The following KLHL41 variants were observed in gnomAD, a reference collection of about 807,000 sequenced individuals.
KLHL41 encodes kelch like family member 41.
Under a neutral mutation model 49.2 loss-of-function variants are expected in KLHL41, and 31 were observed. The ratio of observed to expected loss-of-function variants is 0.63; its 90% confidence interval spans 0.47 to 0.85. The LOEUF (loss-of-function observed/expected upper bound fraction) is 0.85, where lower values mean the gene tolerates loss of function less well. Among genes scored for constraint, KLHL41 ranks in the 40% least tolerant of loss-of-function variants. The pLI is 0.00. For synonymous variants in KLHL41, 218 were observed against 258.5 expected (o/e 0.84, Z 1.50); for missense variants, 663 against 726.7 (o/e 0.91, Z 1.01).
At position 169,510,803 on chromosome 2, in the gene KLHL41, C is replaced by G; in HGVS notation, c.1025C>G (p.Thr342Ser). The change falls in exon 1 of 6, where the codon ACC (threonine) becomes AGC (serine). Residue 342 changes from threonine to serine, a missense_variant. This residue lies in a region of KLHL41 where 528 missense variants were observed against 581.0 expected (regional missense o/e 0.91). Transcript: ENST00000284669. The surrounding 1 kb of genome is among the most constrained non-coding windows in gnomAD (Gnocchi z 4.2). ...CCCAGAAATCATTCCAGCATTGTTA[C>G]CCAGCAAAATCAGATATATGTGGTA... is the stretch of plus-strand genomic sequence containing the variant. ...QIPRNHSSIV[T>S]QQNQIYVVGG... 3.7e-6 allele frequency: 6 copies of G among 1,613,982 alleles called. No individual in the cohort carries two copies. Among genetic ancestry groups the G allele is most frequent in the Non-Finnish European group, 5.1e-6 (6 of 1,179,980 alleles).
chr2:169,521,768 A>G (rs1436644016), intron 5 of KLHL41, among the ~76,000 whole-genome samples: 1 of 152,144 alleles, frequency 6.6e-6, no homozygotes, highest in Admixed American at 6.5e-5. Flanking sequence ...CAGCTTTCCA[A>G]TTGTTTTAGG....
At position 169,510,146 on chromosome 2, in the gene KLHL41, TTTC is replaced by T; in HGVS notation, c.371_373del (p.Ser124del). 6.2e-7 allele frequency: 1 copy of T among 1,614,186 alleles called. No individual in the cohort carries two copies. Among genetic ancestry groups the T allele is most frequent in the Non-Finnish European group, 8.5e-7 (1 of 1,180,034 alleles). On this transcript the variant is annotated inframe_deletion, in exon 1 of 6. Coordinates refer to ENST00000284669, the MANE Select transcript of KLHL41 (RefSeq NM_006063.3). This position sits in a 1 kb window ranked among gnomAD's most constrained non-coding sequence, Gnocchi z 4.2. ...ATCCCCTCAGTGTTTACTGTCTGCG[TTTC>T]TTATCTTCAGAAAAGACTTGCTCCT...
At chr2:169,521,821 T>C (rs1036195856) in intron 5 of KLHL41, among the ~76,000 whole-genome samples, 1 of 152,168 alleles carries the variant, frequency 6.6e-6, no homozygotes, top group Non-Finnish European at 1.5e-5. Flanking sequence ...AAAGTCAAAA[T>C]AGCAATCCAT....
chr2:169,525,597 T>C lies in KLHL41; in HGVS notation c.1722T>C (p.Asp574=), dbSNP rs144510735. The C allele has an allele frequency of 7.5e-6, 12 of 1,607,938 alleles. No homozygotes were observed. Among genetic ancestry groups the C allele is most frequent in the Non-Finnish European group, 1.0e-5 (12 of 1,174,522 alleles). The change falls in exon 6 of 6, where the codon GAT becomes GAC. Residue 574 remains aspartate, a synonymous_variant. Transcript: ENST00000284669. The stretch of plus-strand genomic sequence containing the variant: ...TTTCCTCCATCAGGTATGAAGATGA[T>C]AAAAAAGAATGGGCTGGGATGTTGA... ...EVNDIWKYED[D]KKEWAGMLKE...
chr2:169,522,704 G>GTTTTT (rs1684220321), intron 5 of KLHL41, among the ~76,000 whole-genome samples: 2 of 87,784 alleles, frequency 2.3e-5, no homozygotes, highest in Non-Finnish European at 4.4e-5. Flanking sequence ...CCTTCCCAGT[G>GTTTTT]ATTTTTTTTT....
chr2:169,520,298 GTGTGTGTGTGTGTA>G lies in KLHL41; in HGVS notation c.1563-549_1563-536del, dbSNP rs1385086212. ...TCAGTGTGTGTGTGTGTGTGTGTGT[GTGTGTGTGTGTGTA>G]TGTGTGTGTGTGTGTGTGGAGGCAG... On this transcript the variant is annotated intron_variant, in intron 4 of 5. Coordinates refer to ENST00000284669, the MANE Select transcript of KLHL41 (RefSeq NM_006063.3). 9.0e-3 allele frequency among the ~76,000 whole-genome samples: 1,025 copies of G among 114,422 alleles called. 78 individuals carry two copies. Among genetic ancestry groups the G allele is most frequent in the East Asian group, 0.05 (143 of 2,832 alleles). The allele number at this position is 114,422 out of a possible 152,430, so 75.1% of individuals were successfully genotyped here. A position where few individuals can be genotyped will look rare whatever the true frequency, so the allele number is the denominator to read the frequency against.
At chr2:169,518,410 C>T in intron 4 of KLHL41, 35 bp downstream of exon 4, 2 of 1,430,006 alleles carry the variant, frequency 1.4e-6, no homozygotes, top group Non-Finnish European at 1.9e-6. Context: ...AGCATGTGAA[C>T]AACTATACAT....
chr2:169,523,202 T>G (rs1400937507), intron 5 of KLHL41, among the ~76,000 whole-genome samples: 1 of 152,206 alleles, frequency 6.6e-6, no homozygotes, highest in Admixed American at 6.5e-5. Context: ...GCTATAAAAG[T>G]GGCCCTGACA....
In KLHL41 at chr2:169,510,671, A is replaced by G. The variant is rs763948552; in HGVS notation, c.893A>G (p.His298Arg). ...GGTTACCTGAATGACATTCCCAGGC[A>G]TGGAATGTTTGTAAAAGACCTCATC... is the stretch of plus-strand genomic sequence containing the variant. ...LPGYLNDIPR[H>R]GMFVKDLILL... The change falls in exon 1 of 6, where the codon CAT becomes CGT. Residue 298 changes from histidine to arginine, a missense_variant. Physicochemically the swap from His to Arg is conservative, Grantham distance 29. Coordinates refer to ENST00000284669, the MANE Select transcript of KLHL41 (RefSeq NM_006063.3). This position sits in a 1 kb window ranked among gnomAD's most constrained non-coding sequence, Gnocchi z 4.2. 1 of 1,614,002 alleles carries G rather than the reference A, an allele frequency of 6.2e-7. No homozygotes were observed. The highest frequency in any genetic ancestry group is 1.1e-5 in the South Asian group (1 of 91,072).
rs1265273193 is a variant in KLHL41 at position 169,525,589 on chromosome 2, G to A, written c.1714G>A (p.Glu572Lys). Residue 572 changes from glutamate to lysine, a missense_variant, in exon 6 of 6, where the codon GAA becomes AAA. Physicochemically the swap from Glu to Lys is moderately conservative, Grantham distance 56. Transcript: ENST00000284669. ...ACTTTTTTTTTCCTCCATCAGGTAT[G>A]AAGATGATAAAAAAGAATGGGCTGG... ...PTEVNDIWKY[E>K]DDKKEWAGML... is the part of the protein sequence containing the mutation. 2 of 1,595,580 alleles carry A rather than the reference G, an allele frequency of 1.3e-6. No individual in the cohort carries two copies. The highest frequency in any genetic ancestry group is 1.7e-6 in the Non-Finnish European group (2 of 1,163,344).
At chr2:169,512,281 A>G (rs1684039539) in intron 1 of KLHL41, among the ~76,000 whole-genome samples, 1 of 152,208 alleles carries the variant, frequency 6.6e-6, no homozygotes, top group Non-Finnish European at 1.5e-5. Flanking sequence ...TTTAAAGTCA[A>G]ATAAACGTCA....
chr2:169,513,826 A>T (rs1367875777), intron 1 of KLHL41, among the ~76,000 whole-genome samples: 1 of 152,200 alleles, frequency 6.6e-6, no homozygotes, highest in Non-Finnish European at 1.5e-5. Flanking sequence ...GATGAAACAG[A>T]TGCCACCATC....
At chr2:169,518,706 G>A (rs1340857953) in intron 4 of KLHL41, among the ~76,000 whole-genome samples, 1 of 152,176 alleles carries the variant, frequency 6.6e-6, no homozygotes, top group Non-Finnish European at 1.5e-5. Flanking sequence ...AAGAGACAAG[G>A]TCTGGCTCTG....
chr2:169,511,968 A>G (rs1426601837), intron 1 of KLHL41, among the ~76,000 whole-genome samples: 1 of 152,240 alleles, frequency 6.6e-6, no homozygotes, highest in Non-Finnish European at 1.5e-5. Context: ...TTTATAGCTT[A>G]CAACTGGCTC....
chr2:169,525,463 G>C, intron 5 of KLHL41, 122 bp from the exon 6 acceptor site: 2 of 634,542 alleles, frequency 3.2e-6, no homozygotes, highest in Non-Finnish European at 5.6e-6. Flanking sequence ...TACCAGGCAG[G>C]TGCATCTTCT....
rs1297751930 is a variant in KLHL41, at chr2:169,510,187, G to C, written c.409G>C (p.Ala137Pro). The C allele has an allele frequency of 1.2e-6, 2 of 1,614,030 alleles. No individual in the cohort carries two copies. The highest frequency in any genetic ancestry group is 2.2e-5 in the South Asian group (2 of 91,082). ...QKRLAPGNCL[A>P]ILRLGLLLDC... ...AAGACTTGCTCCTGGTAACTGTCTA[G>C]CCATCCTAAGATTAGGACTTCTTCT... Residue 137 changes from alanine (A) to proline (P), a missense_variant, in exon 1 of 6, where the codon GCC becomes CCC. This residue lies in a region of KLHL41 where 528 missense variants were observed against 581.0 expected (regional missense o/e 0.91). Coordinates refer to ENST00000284669, the MANE Select transcript of KLHL41 (RefSeq NM_006063.3). The surrounding 1 kb of genome is among the most constrained non-coding windows in gnomAD (Gnocchi z 4.2).
In KLHL41 at chr2:169,520,282, G is replaced by A. The variant is rs1684181333; in HGVS notation, c.1563-579G>A. 3.3e-5 allele frequency among the ~76,000 whole-genome samples: 3 copies of A among 92,284 alleles called. No homozygotes were observed. The South Asian group carries it at 1.4e-3, about 44-fold the overall frequency. 60.5% of individuals were successfully genotyped at this position (92,284 alleles called of 152,430 possible). On this transcript the variant is annotated intron_variant, in intron 4 of 5. Transcript: ENST00000284669. ...AAGCTATCCTCCTGCCTCAGTGTGT[G>A]TGTGTGTGTGTGTGTGTGTGTGTGT...
intron 4 of KLHL41, among the ~76,000 whole-genome samples, chr2:169,520,490 T>A (rs974547365): frequency 4.6e-5 from 7 of 151,622 alleles, no homozygotes; most frequent in African/African-American, 1.7e-4. Context: ...CTCGCTCTGT[T>A]GCCCAGGCTG....
In KLHL41 at chr2:169,520,914, G is replaced by C; in HGVS notation, c.1616G>C (p.Ser539Thr). The C allele has an allele frequency of 6.2e-7, 1 of 1,613,726 alleles. No individual in the cohort carries two copies. The highest frequency in any genetic ancestry group is 8.5e-7 in the Non-Finnish European group (1 of 1,179,670). ...GAAAGAAGCTCCATCAGTTTGGTCA[G>C]CCTGGCTGGATCTCTGTATGCAATT... Reference protein sequence around the residue: ...PQERSSISLVSLAGSLYAIGG... With the variant: ...PQERSSISLVTLAGSLYAIGG... The change falls in exon 5 of 6, where the codon AGC becomes ACC. Residue 539 changes from serine to threonine, a missense_variant. By Grantham distance (58) the Ser-to-Thr change is moderately conservative. Around this residue, in one of 3 missense-constraint regions of KLHL41, gnomAD observed 528 missense variants for 581.0 expected, o/e 0.91. Coordinates refer to ENST00000284669, the MANE Select transcript of KLHL41 (RefSeq NM_006063.3).
Sources: gnomAD v4.1 joint callset for allele counts (sites outside exome capture counted in the v4.1 genomes callset) on GRCh38, gnomAD v4.1.1 for gene constraint, gnomAD v4.1.1 regional missense constraint, Gnocchi (gnomAD v3.1) non-coding constraint, MANE v1.5 for transcripts, NCBI Gene and HGNC (gene_info 2026-07-23, HGNC 2026-07-21) for gene names.